Variants in DOCK1 observed in about 807,000 individuals in gnomAD.
The protein encoded by DOCK1 is dedicator of cytokinesis protein 1.
DOCK1 carries 138 observed loss-of-function variants against 262.7 expected under a neutral mutation model. The ratio of observed to expected loss-of-function variants is 0.53; its 90% CI spans 0.46 to 0.61. The LOEUF is 0.61. DOCK1 is among the 20% of genes least tolerant of loss of function. DOCK1 has a pLI of 0.00. For missense variants in DOCK1, 1,908 were observed against 2,370.7 expected, an observed-to-expected ratio of 0.80 and a Z score of 4.05; for synonymous variants, 866 against 867.4, an observed-to-expected ratio of 1.00 and a Z score of 0.03.
chr10:127,084,878 A>G (rs1289449320), intron 23 of DOCK1, among the ~76,000 whole-genome samples: 1 of 151,704 alleles, frequency 6.6e-6, no homozygotes, highest in Non-Finnish European at 1.5e-5. Flanking sequence ...GACTTGGGTG[A>G]TGGGAGGGAG....
At chr10:127,406,197 C>T (rs1465108774) in intron 40 of DOCK1, among the ~76,000 whole-genome samples, 2 of 152,138 alleles carry the variant, frequency 1.3e-5, no homozygotes, top group African/African-American at 4.8e-5. Context: ...GGCACCAACT[C>T]TGGATCCGTG....
chr10:127,279,456 T>C (rs1280709263), intron 29 of DOCK1, among the ~76,000 whole-genome samples: 1 of 152,216 alleles, frequency 6.6e-6, no homozygotes, highest in Non-Finnish European at 1.5e-5. Flanking sequence ...AGAGTCCGTG[T>C]TCTGTATAGA....
chr10:127,138,746 C>G (rs2050934999), intron 27 of DOCK1, among the ~76,000 whole-genome samples: 1 of 152,182 alleles, frequency 6.6e-6, no homozygotes, highest in Admixed American at 6.5e-5. Flanking sequence ...AATGTGGAAG[C>G]ACATTTGCCA....
Position 127,032,304 on chromosome 10 carries a change from C to G in DOCK1, c.1896C>G (p.Thr632=). The G allele has an allele frequency of 6.4e-7, 1 of 1,568,630 alleles. No individual in the cohort carries two copies. Among genetic ancestry groups the G allele is most frequent in the African/African-American group, 1.4e-5 (1 of 73,160 alleles). Residue 632 remains threonine, a synonymous_variant, in exon 18 of 52, where the codon ACC becomes ACG. Transcript: ENST00000623213. ...SFQISTLVCS[T]KLTQNVDLLG... ...AGATCTCCACGCTCGTGTGCTCCAC[C>G]AAACTGACTCAGAACGGTGCGTTCG...
chr10:127,215,304 T>C (rs2058156616), intron 27 of DOCK1, among the ~76,000 whole-genome samples: 1 of 152,136 alleles, frequency 6.6e-6, no homozygotes, highest in Non-Finnish European at 1.5e-5. Flanking sequence ...CCTGGTCCAC[T>C]GGCCTCGGGT....
intron 25 of DOCK1, among the ~76,000 whole-genome samples, chr10:127,114,461 G>A (rs968470100): frequency 6.6e-6 from 1 of 152,124 alleles, no homozygotes; most frequent in Admixed American, 6.5e-5. Flanking sequence ...AGTAACATCA[G>A]GAGCAAAGGG....
intron 19 of DOCK1, among the ~76,000 whole-genome samples, chr10:127,040,503 C>G (rs985968241): frequency 6.6e-6 from 1 of 152,204 alleles, no homozygotes; most frequent in African/African-American, 2.4e-5. Context: ...TGGACATCCT[C>G]TCTCCCGAAG....
chr10:127,438,464 G>T lies in DOCK1; in HGVS notation c.5061-563G>T, dbSNP rs138999531. 5.2e-4 allele frequency among the ~76,000 whole-genome samples: 79 copies of T among 152,238 alleles called. No individual in the cohort carries two copies. In the East Asian group the frequency reaches 0.014, roughly 28 times the overall value. On this transcript the variant is annotated intron_variant, in intron 48 of 51. Transcript: ENST00000623213. ...CCACAGTGGCAGACCTAGAATGCAG[G>T]TCTTCTGTCTCCAGCTTAGTTGCTG...
chr10:127,292,126 T>A (rs1423712827), intron 29 of DOCK1, among the ~76,000 whole-genome samples: 1 of 152,224 alleles, frequency 6.6e-6, no homozygotes, highest in African/African-American at 2.4e-5. Context: ...AATAGACCAC[T>A]CTGTTGTTGG....
At chr10:127,362,862 CCCACACACACACATACACAT>C (rs2064588828) in intron 33 of DOCK1, among the ~76,000 whole-genome samples, 2 of 31,094 alleles carry the variant, frequency 6.4e-5, no homozygotes, top group South Asian at 1.3e-3. Flanking sequence ...CATGTACATC[CCCACACACACACATACACAT>C]CCCCACACAC....
chr10:127,027,406 C>G (rs571452018), intron 16 of DOCK1, among the ~76,000 whole-genome samples: 3 of 152,264 alleles, frequency 2.0e-5, no homozygotes, highest in East Asian at 1.9e-4. Context: ...CCAGCTTGGG[C>G]AACACAGTGA....
intron 27 of DOCK1, among the ~76,000 whole-genome samples, chr10:127,207,660 A>G (rs1254814273): frequency 1.3e-5 from 2 of 152,190 alleles, no homozygotes; most frequent in African/African-American, 4.8e-5. Flanking sequence ...AGTTTTTCCT[A>G]AAGAGCTACA....
At chr10:126,977,242 G>A (rs1452500304) in intron 2 of DOCK1, among the ~76,000 whole-genome samples, 1 of 152,186 alleles carries the variant, frequency 6.6e-6, no homozygotes, top group Non-Finnish European at 1.5e-5. Context: ...CTGGTCCCTT[G>A]TTGAAGGGAC....
At chr10:127,106,769 C>T (rs1442194558) in intron 24 of DOCK1, among the ~76,000 whole-genome samples, 1 of 151,984 alleles carries the variant, frequency 6.6e-6, no homozygotes, top group African/African-American at 2.4e-5. Flanking sequence ...TTAGAAAACC[C>T]CACAAACAAA....
intron 27 of DOCK1, among the ~76,000 whole-genome samples, chr10:127,170,394 A>G (rs1376234738): frequency 6.6e-6 from 1 of 152,196 alleles, no homozygotes; most frequent in Non-Finnish European, 1.5e-5. Context: ...GGCCTGGCCC[A>G]TAGAAGAATC....
intron 33 of DOCK1, among the ~76,000 whole-genome samples, chr10:127,362,932 CAT>C (rs2064625462): frequency 7.5e-6 from 1 of 134,102 alleles, no homozygotes; most frequent in Admixed American, 7.4e-5. Flanking sequence ...TACACATGCA[CAT>C]CCCCCCACAC....
chr10:127,343,678 T>C lies in DOCK1; in HGVS notation c.3156T>C (p.Ala1052=), dbSNP rs780255279. The C allele has an allele frequency of 6.2e-7, 1 of 1,611,508 alleles. No individual in the cohort carries two copies. The highest frequency in any genetic ancestry group is 2.2e-5 in the East Asian group (1 of 44,860). ...ACAACTACTTTCACCTGGCTGTTGC[T>C]TTCCTTACTCAAGAGTCCCTGCAAC... The part of the protein sequence containing the change: ...LWNNYFHLAV[A]FLTQESLQLE... The change falls in exon 31 of 52, where the codon GCT becomes GCC. Residue 1052 remains alanine, a synonymous_variant. Coordinates refer to ENST00000623213, the MANE Select transcript of DOCK1 (RefSeq NM_001290223.2).
intron 29 of DOCK1, among the ~76,000 whole-genome samples, chr10:127,325,679 G>C (rs550712329): frequency 6.6e-6 from 1 of 152,200 alleles, no homozygotes; most frequent in Non-Finnish European, 1.5e-5. Context: ...CTTGATAGCC[G>C]AACTCCTGTA....
At chr10:127,296,446 T>G (rs1025235219) in intron 29 of DOCK1, among the ~76,000 whole-genome samples, 7 of 152,192 alleles carry the variant, frequency 4.6e-5, no homozygotes, top group African/African-American at 1.7e-4. Context: ...TAAAAGAAGA[T>G]TATCCAGCAG....
Sources: allele counts gnomAD v4.1 joint callset (sites outside exome capture counted in the v4.1 genomes callset), GRCh38; gene constraint gnomAD v4.1.1; transcripts MANE v1.5; gene names NCBI Gene and HGNC (gene_info 2026-07-23, HGNC 2026-07-21).